The following RABGAP1L variants were observed in gnomAD, a reference collection of about 807,000 sequenced individuals.
RABGAP1L encodes the protein rab GTPase-activating protein 1-like.
A neutral mutation model predicts 137.7 loss-of-function variants in RABGAP1L; 63 were observed. The observed-to-expected ratio is 0.46, with a 90% CI of 0.37 to 0.56. The LOEUF (loss-of-function observed/expected upper bound fraction) is 0.56, where lower values mean the gene tolerates loss of function less well. RABGAP1L is among the 20% of genes least tolerant of loss of function. RABGAP1L has a pLI of 0.00. For missense variants in RABGAP1L, 1,095 were observed against 1,244.0 expected (o/e 0.88, Z 1.80); for synonymous variants, 431 against 433.7 (o/e 0.99, Z 0.08).
At chr1:174,797,778 C>G (rs1350589367) in intron 18 of RABGAP1L, among the ~76,000 whole-genome samples, 1 of 151,568 alleles carries the variant, frequency 6.6e-6, no homozygotes, top group East Asian at 1.9e-4. Context: ...GGCCCAGAAC[C>G]TTTTCCTTCT....
chr1:174,432,326 G>C (rs1652735131), intron 13 of RABGAP1L, among the ~76,000 whole-genome samples: 1 of 152,044 alleles, frequency 6.6e-6, no homozygotes, highest in Non-Finnish European at 1.5e-5. Flanking sequence ...CATGTTGTCT[G>C]TGTACCACAT....
intron 7 of RABGAP1L, among the ~76,000 whole-genome samples, chr1:174,265,801 A>G (rs1479842921): frequency 6.6e-6 from 1 of 151,862 alleles, no homozygotes; most frequent in Non-Finnish European, 1.5e-5. Flanking sequence ...TGTTGGTTGA[A>G]AATTTAAAAA....
intron 5 of RABGAP1L, among the ~76,000 whole-genome samples, chr1:174,242,395 A>G (rs753228412): frequency 6.6e-6 from 1 of 152,252 alleles, no homozygotes; most frequent in African/African-American, 2.4e-5. Context: ...AACCATTTCA[A>G]AGGCATTCAT....
chr1:174,575,612 A>G (rs1047997711), intron 13 of RABGAP1L, among the ~76,000 whole-genome samples: 5 of 152,252 alleles, frequency 3.3e-5, no homozygotes, highest in Admixed American at 3.3e-4. Flanking sequence ...AACCAAGGAT[A>G]ACAATTGCAT....
chr1:174,211,752 G>T (rs1668904951), intron 1 of RABGAP1L, among the ~76,000 whole-genome samples: 1 of 151,988 alleles, frequency 6.6e-6, no homozygotes, highest in Admixed American at 6.6e-5. Context: ...TACCTGTAAA[G>T]ACACACATAG....
At chr1:174,506,632 A>G (rs557593850) in intron 13 of RABGAP1L, among the ~76,000 whole-genome samples, 1 of 152,330 alleles carries the variant, frequency 6.6e-6, no homozygotes, top group East Asian at 1.9e-4. Flanking sequence ...TAAGTATATT[A>G]GGTAATGCGT....
At chr1:174,162,775 C>CTGTTTTTTTTTTTTTTTTTTTTTTTTTT (rs1664589709) in intron 1 of RABGAP1L, among the ~76,000 whole-genome samples, 1 of 23,442 alleles carries the variant, frequency 4.3e-5, no homozygotes, top group Non-Finnish European at 8.1e-5. Flanking sequence ...TTTTCTCTTT[C>CTGTTTTTTTTTTTTTTTTTTTTTTTTTT]TGTTTTTTTT....
chr1:174,416,588 A>G (rs1027185063), intron 13 of RABGAP1L, among the ~76,000 whole-genome samples: 1 of 152,170 alleles, frequency 6.6e-6, no homozygotes, highest in South Asian at 2.1e-4. Flanking sequence ...GGAACAAGCC[A>G]TGCTGCTTAC....
intron 17 of RABGAP1L, among the ~76,000 whole-genome samples, chr1:174,721,530 A>G (rs1681540031): frequency 6.6e-6 from 1 of 152,226 alleles, no homozygotes; most frequent in Non-Finnish European, 1.5e-5. Flanking sequence ...GAACAGATGC[A>G]TATTTTAATA....
intron 18 of RABGAP1L, among the ~76,000 whole-genome samples, chr1:174,756,169 G>A (rs1222190810): frequency 6.6e-6 from 1 of 152,042 alleles, no homozygotes; most frequent in Non-Finnish European, 1.5e-5. Flanking sequence ...TTTATTTTGA[G>A]GCAGAGTCTG....
intron 19 of RABGAP1L, among the ~76,000 whole-genome samples, chr1:174,944,644 TAA>T (rs71815856): frequency 0.014 from 1,702 of 119,600 alleles, 44 homozygotes; most frequent in African/African-American, 0.044. Context: ...CTCAAAAAAT[TAA>T]AAAAAAAAAA....
At chr1:174,628,822 G>A (rs1199614397) in intron 13 of RABGAP1L, among the ~76,000 whole-genome samples, 3 of 152,154 alleles carry the variant, frequency 2.0e-5, no homozygotes, top group Non-Finnish European at 4.4e-5. Context: ...TCTCATTCTG[G>A]AGAAAACTGG....
intron 13 of RABGAP1L, among the ~76,000 whole-genome samples, chr1:174,577,281 A>G (rs1030327869): frequency 1.3e-5 from 2 of 151,240 alleles, no homozygotes; most frequent in Non-Finnish European, 2.9e-5. Context: ...AGTCAGTGAT[A>G]TGTATAGTCA....
intron 23 of RABGAP1L, among the ~76,000 whole-genome samples, chr1:174,980,681 G>A (rs1396947230): frequency 6.6e-6 from 1 of 152,152 alleles, no homozygotes; most frequent in Non-Finnish European, 1.5e-5. Context: ...AAGTCTTCAG[G>A]GCTAGGCTTG....
rs371621455 is a variant in RABGAP1L at position 174,183,419 on chromosome 1, C to T, written c.-34+23762C>T. On this transcript the variant is annotated intron_variant, in intron 1 of 25. Coordinates refer to ENST00000681986, the MANE Select transcript of RABGAP1L (RefSeq NM_001366446.1). ...GGGATTACAGGTGTGAGCCACTGTG[C>T]GAGCCGCTGTAACCGGCCTAAAGAT... Among the ~76,000 whole-genome samples, 17 of 152,218 alleles carry T rather than the reference C, an allele frequency of 1.1e-4. No individual in the cohort carries two copies. In the East Asian group the frequency reaches 1.9e-3, roughly 17 times the overall value.
chr1:174,372,590 G>T (rs929935334), intron 12 of RABGAP1L, among the ~76,000 whole-genome samples: 1 of 152,000 alleles, frequency 6.6e-6, no homozygotes, highest in African/African-American at 2.4e-5. Context: ...TCTAGTTATC[G>T]TACAAAACAA....
At chr1:174,270,811 A>G (rs1187639250) in intron 7 of RABGAP1L, among the ~76,000 whole-genome samples, 1 of 152,138 alleles carries the variant, frequency 6.6e-6, no homozygotes, top group East Asian at 1.9e-4. Flanking sequence ...TTTAAACCCT[A>G]TAATATAGAA....
chr1:174,871,685 A>G (rs940689490), intron 19 of RABGAP1L, among the ~76,000 whole-genome samples: 1 of 152,150 alleles, frequency 6.6e-6, no homozygotes, highest in African/African-American at 2.4e-5. Flanking sequence ...TTATGAAAAA[A>G]CGAATATCAT....
chr1:174,195,831 T>G (rs1014384144), intron 1 of RABGAP1L, among the ~76,000 whole-genome samples: 5 of 132,518 alleles, frequency 3.8e-5, no homozygotes, highest in African/African-American at 8.3e-5. Flanking sequence ...CTTTCTATCC[T>G]TCTTCTTCTT....
Sources: allele counts gnomAD v4.1 joint callset (sites outside exome capture counted in the v4.1 genomes callset), GRCh38; gene constraint gnomAD v4.1.1; transcripts MANE v1.5; gene names NCBI Gene and HGNC (gene_info 2026-07-23, HGNC 2026-07-21).